The following TULP2 variants were observed in gnomAD, a reference collection of about 807,000 sequenced individuals.
The protein encoded by TULP2 is TUB like protein 2.
Under a neutral mutation model 60.3 loss-of-function variants are expected in TULP2, and 64 were observed. That is an observed-to-expected ratio of 1.06 (90% CI 0.87 to 1.31). The LOEUF (loss-of-function observed/expected upper bound fraction) is 1.31. TULP2 is among the 50% of genes most tolerant of loss of function. The pLI is 0.00. For synonymous variants in TULP2, 267 were observed against 265.4 expected, an observed-to-expected ratio of 1.01 and a Z score of -0.06; for missense variants, 652 against 667.0, an observed-to-expected ratio of 0.98 and a Z score of 0.25.
At position 48,897,761 on chromosome 19, in the gene TULP2, T is replaced by A; in HGVS notation, c.32+76A>T. On this transcript the variant is annotated intron_variant, in intron 2 of 12. Transcript: ENST00000221399. The surrounding 1 kb of genome is among the most constrained non-coding windows in gnomAD (Gnocchi z 4.0). Reference sequence around the variant, plus strand: ...ATGGTGCTGAACCTGCAAACATGGTTATGAAGCCAGAGCCGAGTGCACGGG... The same window carrying A: ...ATGGTGCTGAACCTGCAAACATGGTAATGAAGCCAGAGCCGAGTGCACGGG... 1.3e-6 allele frequency: 2 copies of A among 1,497,960 alleles called. No individual in the cohort carries two copies. Among genetic ancestry groups the A allele is most frequent in the Non-Finnish European group, 9.3e-7 (1 of 1,075,826 alleles). 92.8% of individuals were successfully genotyped at this position (1,497,960 alleles called of 1,614,324 possible). A position where few individuals can be genotyped will look rare whatever the true frequency, so the allele number is the denominator to read the frequency against.
chr19:48,891,942 A>G (rs1482584449), intron 6 of TULP2, among the ~76,000 whole-genome samples: 2 of 152,220 alleles, frequency 1.3e-5, no homozygotes, highest in Non-Finnish European at 2.9e-5. Context: ...GGCTGGATTT[A>G]TGTTTAACTT....
chr19:48,887,975 T>C lies in TULP2; in HGVS notation c.923A>G (p.Tyr308Cys). The change falls in exon 8 of 13, where the codon TAC becomes TGC. Residue 308 changes from tyrosine to cysteine, a missense_variant. Transcript: ENST00000221399. ...DKGLFPLYYL[Y>C]LETSDSLQRF... ...CTGCAGGCTGTCAGAGGTCTCCAGG[T>C]AGAGGTAGTAGAGGGGGAACAAGCC... 1 of 1,612,602 alleles carries C rather than the reference T, an allele frequency of 6.2e-7. No homozygotes were observed. Among genetic ancestry groups the C allele is most frequent in the Non-Finnish European group, 8.5e-7 (1 of 1,178,814 alleles).
At chr19:48,889,664 G>A (rs761617253) in intron 6 of TULP2, 33 bp from the exon 7 acceptor site, 1 of 1,554,226 alleles carries the variant, frequency 6.4e-7, no homozygotes, top group Non-Finnish European at 8.8e-7. Flanking sequence ...AGATCAGATT[G>A]TTACTGTGTC....
Position 48,881,135 on chromosome 19 carries a change from T to C in TULP2, c.1448-9A>G. 1 of 1,604,094 alleles carries C rather than the reference T, an allele frequency of 6.2e-7. No homozygotes were observed. The highest frequency in any genetic ancestry group is 8.5e-7 in the Non-Finnish European group (1 of 1,172,892). ...GAGCACCAGATGTTCTTCTGAGAAGTGAATCAGGAACAAAGCCTTAGCCTG... is the reference window on the plus strand; with the variant it reads ...GAGCACCAGATGTTCTTCTGAGAAGCGAATCAGGAACAAAGCCTTAGCCTG... On this transcript the variant is annotated splice_polypyrimidine_tract_variant and intron_variant, in intron 12 of 12. Coordinates refer to ENST00000221399, the MANE Select transcript of TULP2 (RefSeq NM_003323.3).
rs766512577 is a variant in TULP2, at chr19:48,895,510, G to A, written c.212-7C>T. On this transcript the variant is annotated splice_polypyrimidine_tract_variant and splice_region_variant and intron_variant, in intron 4 of 12. Coordinates refer to ENST00000221399, the MANE Select transcript of TULP2 (RefSeq NM_003323.3). ...AGGAAAGGGTTCCCAAGGCCTGGGA[G>A]AAGGTTCAGCGAGCCCATGAAAACG... The A allele has an allele frequency of 3.1e-6, 5 of 1,599,688 alleles. No homozygotes were observed. The African/African-American group carries it at 6.7e-5, about 21-fold the overall frequency.
intron 6 of TULP2, among the ~76,000 whole-genome samples, chr19:48,893,839 C>T (rs1395497573): frequency 6.6e-6 from 1 of 151,920 alleles, no homozygotes; most frequent in Non-Finnish European, 1.5e-5. Context: ...CAGGCGTGAG[C>T]CACCGCGCCC....
chr19:48,884,067 A>G, intron 9 of TULP2, 21 bp from the exon 10 acceptor site: 1 of 1,596,674 alleles, frequency 6.3e-7, no homozygotes, highest in Middle Eastern at 1.7e-4. Context: ...AAGGGAATGG[A>G]TAGAATAAAA....
At chr19:48,885,395 G>T in intron 9 of TULP2, 53 bp downstream of exon 9, 3 of 1,464,496 alleles carry the variant, frequency 2.0e-6, no homozygotes, top group Non-Finnish European at 2.9e-6. Flanking sequence ...GAGTCCCCCT[G>T]TCCCTAAGCT....
At chr19:48,887,851 C>G (rs2037195795) in intron 8 of TULP2, 99 bp downstream of exon 8, 2 of 1,342,712 alleles carry the variant, frequency 1.5e-6, no homozygotes, top group African/African-American at 1.5e-5. Flanking sequence ...AGCCACTGTG[C>G]CCAGCCCCAG....
intron 3 of TULP2, among the ~76,000 whole-genome samples, chr19:48,896,890 C>CTT (rs142990965): frequency 0.11 from 15,745 of 147,658 alleles, 1,140 homozygotes; most frequent in Non-Finnish European, 0.16. Context: ...TCCTTTCTTA[C>CTT]TTTTTTTTTT....
At chr19:48,896,716 T>G in intron 3 of TULP2, 160 bp from the exon 4 acceptor site, 1 of 829,692 alleles carries the variant, frequency 1.2e-6, no homozygotes, top group Non-Finnish European at 1.8e-6. Flanking sequence ...CAGCAGCTCC[T>G]CCCTTATTCC....
intron 8 of TULP2, among the ~76,000 whole-genome samples, chr19:48,886,092 G>A (rs1004022593): frequency 1.8e-4 from 27 of 151,826 alleles, no homozygotes; most frequent in African/African-American, 6.0e-4. Context: ...AGATCACGAG[G>A]TAAGGAGATT....
Position 48,882,166 on chromosome 19 carries a change from T to C in TULP2, c.1313A>G (p.Asp438Gly). Reference sequence around the variant, plus strand: ...GTGCAACAAAAGCAACCCTTGTTTGTCCCCACGTTGGTAACGACTCAGTAG... The same window carrying C: ...GTGCAACAAAAGCAACCCTTGTTTGCCCCCACGTTGGTAACGACTCAGTAG... Reference protein sequence around the residue: ...ESLLSRYQRGDKQGLLLLHNK... With the variant: ...ESLLSRYQRGGKQGLLLLHNK... Residue 438 changes from aspartate (D) to glycine (G), a missense_variant, in exon 12 of 13, where the codon GAC becomes GGC. By Grantham distance (94) the Asp-to-Gly change is moderately conservative. Transcript: ENST00000221399. 1 of 1,614,030 alleles carries C rather than the reference T, an allele frequency of 6.2e-7. No individual in the cohort carries two copies. Among genetic ancestry groups the C allele is most frequent in the Non-Finnish European group, 8.5e-7 (1 of 1,180,004 alleles).
intron 11 of TULP2, among the ~76,000 whole-genome samples, chr19:48,883,282 T>C (rs1281344169): frequency 6.6e-6 from 1 of 151,088 alleles, no homozygotes; most frequent in African/African-American, 2.4e-5. Context: ...GTTCTGGGAA[T>C]TGCCCACCCC....
chr19:48,897,249 C>T lies in TULP2; in HGVS notation c.84+96G>A, dbSNP rs528224179. The T allele has an allele frequency of 3.7e-6, 5 of 1,351,894 alleles. No homozygotes were observed. The highest frequency in any genetic ancestry group is 4.8e-5 in the East Asian group (2 of 41,466). The allele number at this position is 1,351,894 out of a possible 1,614,324, so 83.7% of individuals were successfully genotyped here. On this transcript the variant is annotated intron_variant, in intron 3 of 12. Transcript: ENST00000221399. This position sits in a 1 kb window ranked among gnomAD's most constrained non-coding sequence, Gnocchi z 4.0. ...ACTCAAGGATGAGAGACAGCCAACA[C>T]GGGCTGGGAGTCCTAGAGCAAGACC...
chr19:48,895,817 T>A (rs1028357127), intron 4 of TULP2, among the ~76,000 whole-genome samples: 1 of 151,966 alleles, frequency 6.6e-6, no homozygotes, highest in African/African-American at 2.4e-5. Context: ...AGACGGAGGT[T>A]GCGGTGAGCC....
chr19:48,888,299 A>G, intron 7 of TULP2, 38 bp from the exon 8 acceptor site: 2 of 1,548,486 alleles, frequency 1.3e-6, no homozygotes, highest in African/African-American at 2.7e-5. Context: ...AGGGACAACC[A>G]CCGGCCCAGC....
At chr19:48,893,030 C>T (rs1434381141) in intron 6 of TULP2, among the ~76,000 whole-genome samples, 1 of 151,946 alleles carries the variant, frequency 6.6e-6, no homozygotes, top group Non-Finnish European at 1.5e-5. Context: ...ATCACTTGAG[C>T]CCAGGAGTTC....
chr19:48,892,847 T>A (rs1394402640), intron 6 of TULP2, among the ~76,000 whole-genome samples: 1 of 151,926 alleles, frequency 6.6e-6, no homozygotes, highest in Non-Finnish European at 1.5e-5. Flanking sequence ...TCTTCCTTTT[T>A]CTACATAGAC....
Sources: gnomAD v4.1 joint callset for allele counts (sites outside exome capture counted in the v4.1 genomes callset) on GRCh38, gnomAD v4.1.1 for gene constraint, Gnocchi (gnomAD v3.1) non-coding constraint, MANE v1.5 for transcripts, NCBI Gene and HGNC (gene_info 2026-07-23, HGNC 2026-07-21) for gene names.